The following EYS variants were observed in gnomAD, a reference collection of about 807,000 sequenced individuals.
EYS encodes the protein protein eyes shut homolog.
In EYS, 250 loss-of-function variants were observed where a neutral mutation model predicts 282.1. The observed-to-expected ratio is 0.89, with a 90% CI of 0.80 to 0.98. The LOEUF (loss-of-function observed/expected upper bound fraction) is 0.98, where lower values mean the gene tolerates loss of function less well. EYS is among the 50% of genes least tolerant of loss of function. The probability of loss-of-function intolerance (pLI) is 0.00; values close to 1 mark genes in which losing one functional copy is unlikely to be tolerated. For missense variants in EYS, 4,016 were observed against 3,709.0 expected (o/e 1.08, Z -2.15); for synonymous variants, 1,355 against 1,282.9 (o/e 1.06, Z -1.20).
Position 65,001,564 on chromosome 6 carries a change from C to G in EYS, c.2138-3861G>C. Among the ~76,000 whole-genome samples, 3 of 148,024 alleles carry G rather than the reference C, an allele frequency of 2.0e-5. 1 individual carries two copies. Among genetic ancestry groups the G allele is most frequent in the Non-Finnish European group, 4.5e-5 (3 of 66,092 alleles). Reference sequence around the variant, plus strand: ...GGGAGCATGGCAAGCCAAAAGGCAACTTTTTGGGTGGAAAAACAGGAATGC... The same window carrying G: ...GGGAGCATGGCAAGCCAAAAGGCAAGTTTTTGGGTGGAAAAACAGGAATGC... On this transcript the variant is annotated intron_variant, in intron 13 of 42. Transcript: ENST00000503581.
intron 22 of EYS, among the ~76,000 whole-genome samples, chr6:64,802,073 G>A (rs1314038365): frequency 8.5e-6 from 1 of 117,144 alleles, no homozygotes; most frequent in Non-Finnish European, 1.6e-5. Context: ...TCACTCTGTC[G>A]CCCAGCCTGG....
intron 29 of EYS, among the ~76,000 whole-genome samples, chr6:64,363,813 C>T (rs181542457): frequency 9.9e-5 from 15 of 151,908 alleles, no homozygotes; most frequent in Admixed American, 3.9e-4. Context: ...AAAATAAATG[C>T]GAACAACATC....
intron 36 of EYS, among the ~76,000 whole-genome samples, chr6:63,839,779 T>G (rs961132969): frequency 6.6e-6 from 1 of 152,190 alleles, no homozygotes; most frequent in East Asian, 1.9e-4. Context: ...TATTTTTAGT[T>G]TTTTGAGGAC....
chr6:64,972,733 T>C (rs1026636932), intron 14 of EYS, among the ~76,000 whole-genome samples: 2 of 152,128 alleles, frequency 1.3e-5, no homozygotes, highest in Non-Finnish European at 2.9e-5. Context: ...CAGTTGGCTA[T>C]TAGTAATTGT....
chr6:64,863,591 CTTG>C (rs1306424671), intron 19 of EYS, among the ~76,000 whole-genome samples: 2 of 152,104 alleles, frequency 1.3e-5, no homozygotes, highest in African/African-American at 2.4e-5. Context: ...AGTGGCCTGA[CTTG>C]TTGCTTATCA....
intron 35 of EYS, among the ~76,000 whole-genome samples, chr6:63,966,375 G>A (rs1442031994): frequency 2.0e-5 from 3 of 152,142 alleles, no homozygotes; most frequent in Non-Finnish European, 4.4e-5. Flanking sequence ...GAGTGGGAGG[G>A]GGTGAGGGAT....
chr6:65,343,976 A>G, intron 10 of EYS, 62 bp downstream of exon 10: 2 of 1,406,302 alleles, frequency 1.4e-6, no homozygotes, highest in Non-Finnish European at 2.0e-6. Flanking sequence ...CTAACTTTCT[A>G]AAAATCAGAC....
intron 41 of EYS, among the ~76,000 whole-genome samples, 195 bp from the exon 42 acceptor site, chr6:63,726,875 C>T (rs998405673): frequency 1.3e-5 from 2 of 152,144 alleles, no homozygotes; most frequent in East Asian, 1.9e-4. Flanking sequence ...GGTTTTGTAA[C>T]GAAGTCACTT....
At chr6:64,467,467 G>A (rs889317910) in intron 26 of EYS, among the ~76,000 whole-genome samples, 1 of 152,128 alleles carries the variant, frequency 6.6e-6, no homozygotes, top group Non-Finnish European at 1.5e-5. Flanking sequence ...GTACTAGGAA[G>A]TATGCAATAT....
intron 35 of EYS, among the ~76,000 whole-genome samples, chr6:63,880,487 G>GTCTCTATCTATC (rs537041801): frequency 4.2e-5 from 6 of 142,780 alleles, no homozygotes; most frequent in South Asian, 2.4e-4. Context: ...CTGTCTGTCT[G>GTCTCTATCTATC]TATCTATCTA....
intron 12 of EYS, among the ~76,000 whole-genome samples, chr6:65,275,275 C>T (rs1339724274): frequency 6.6e-6 from 1 of 152,140 alleles, no homozygotes; most frequent in Non-Finnish European, 1.5e-5. Flanking sequence ...TGTTACTGGA[C>T]CTTAGTCGGA....
chr6:64,401,743 G>A (rs1773543242), intron 28 of EYS, among the ~76,000 whole-genome samples: 1 of 151,944 alleles, frequency 6.6e-6, no homozygotes, highest in African/African-American at 2.4e-5. Context: ...TTCTGTTAGG[G>A]AGACTTATTC....
At chr6:64,006,212 T>A (rs1413251133) in intron 33 of EYS, among the ~76,000 whole-genome samples, 1 of 152,144 alleles carries the variant, frequency 6.6e-6, no homozygotes, top group Non-Finnish European at 1.5e-5. Context: ...TTCTTAGATA[T>A]TACTCTCTCT....
intron 2 of EYS, among the ~76,000 whole-genome samples, chr6:65,517,603 T>C (rs1767191467): frequency 6.6e-6 from 1 of 152,030 alleles, no homozygotes; most frequent in South Asian, 2.1e-4. Context: ...GGGCTTTTTA[T>C]CAACTTATCT....
At chr6:63,731,586 A>C (rs1768782666) in intron 41 of EYS, among the ~76,000 whole-genome samples, 1 of 152,124 alleles carries the variant, frequency 6.6e-6, no homozygotes, top group Non-Finnish European at 1.5e-5. Context: ...ATAGTTATGT[A>C]TAATCATCTA....
intron 12 of EYS, among the ~76,000 whole-genome samples, chr6:65,198,984 C>A (rs757369465): frequency 1.4e-4 from 22 of 151,960 alleles, no homozygotes; most frequent in Non-Finnish European, 2.4e-4. Flanking sequence ...AATGGCCTAG[C>A]GTAGCACATG....
rs934727071 is a variant in EYS, at chr6:65,448,024, G to A, written c.862+42570C>T. Among the ~76,000 whole-genome samples the A allele has an allele frequency of 2.6e-5, 4 of 152,034 alleles. No individual in the cohort carries two copies. In the East Asian group the frequency reaches 5.8e-4, roughly 22 times the overall value. On this transcript the variant is annotated intron_variant, in intron 5 of 42. Coordinates refer to ENST00000503581, the MANE Select transcript of EYS (RefSeq NM_001142800.2). ...CAGAAATACAGTCAAGTCAGATTAC[G>A]ATGAAGTGTTGTTCAGCAGAAATAC...
intron 2 of EYS, among the ~76,000 whole-genome samples, chr6:65,505,930 T>C (rs892897228): frequency 3.9e-5 from 6 of 152,160 alleles, no homozygotes; most frequent in African/African-American, 1.2e-4. Flanking sequence ...CAAGCATATC[T>C]TTATGAGGTT....
intron 36 of EYS, among the ~76,000 whole-genome samples, chr6:63,832,661 T>C (rs999403592): frequency 1.3e-5 from 2 of 152,186 alleles, no homozygotes; most frequent in Non-Finnish European, 2.9e-5. Flanking sequence ...GTACCATTCC[T>C]TCTGAAACTA....
Sources: allele counts gnomAD v4.1 joint callset (sites outside exome capture counted in the v4.1 genomes callset), GRCh38; gene constraint gnomAD v4.1.1; transcripts MANE v1.5; gene names NCBI Gene and HGNC (gene_info 2026-07-23, HGNC 2026-07-21).